TET2: variants seen among roughly 807,000 people sequenced by gnomAD.
The protein encoded by TET2 is tet methylcytosine dioxygenase 2.
A neutral mutation model predicts 142.9 loss-of-function variants in TET2; 299 were observed. The observed-to-expected ratio is 2.09, with a 90% CI of 1.90 to 2.30. TET2 has a LOEUF of 2.30. Among genes scored for constraint, TET2 ranks in the 30% most tolerant of loss-of-function variants. The pLI is 0.00. For synonymous variants in TET2, 819 were observed against 849.0 expected (o/e 0.96, Z 0.61); for missense variants, 2,418 against 2,378.0 (o/e 1.02, Z -0.35).
At chr4:105,205,667 T>C (rs1346431947) in intron 2 of TET2, among the ~76,000 whole-genome samples, 5 of 152,128 alleles carry the variant, frequency 3.3e-5, no homozygotes, top group South Asian at 2.1e-4. Flanking sequence ...TTTTCACTCT[T>C]GTTGCCTAGG....
intron 5 of TET2, among the ~76,000 whole-genome samples, 180 bp downstream of exon 5, chr4:105,243,107 T>C (rs1201960296): frequency 6.6e-6 from 1 of 152,216 alleles, no homozygotes; most frequent in Non-Finnish European, 1.5e-5. Context: ...AATCAACAAA[T>C]TGTATTTAAT....
At chr4:105,201,444 A>G (rs1212664815) in intron 2 of TET2, among the ~76,000 whole-genome samples, 6 of 152,158 alleles carry the variant, frequency 3.9e-5, no homozygotes, top group Admixed American at 3.9e-4. Context: ...CATTTGTGCT[A>G]TGCTTGTTTT....
At position 105,236,647 on chromosome 4, in the gene TET2, G is replaced by GAAAC; in HGVS notation, c.2706_2709dup (p.Gln904LysfsTer21). The GAAAC allele has an allele frequency of 6.2e-7, 1 of 1,614,064 alleles. No homozygotes were observed. The highest frequency in any genetic ancestry group is 8.5e-7 in the Non-Finnish European group (1 of 1,180,004). The stretch of plus-strand genomic sequence containing the variant: ...TCAGTTCTACAGGGATATAAAAATA[G>GAAAC]AAACCAAGATATGTCTGGTCAACAA... On this transcript the variant is annotated frameshift_variant, in exon 3 of 11. Transcript: ENST00000380013. LOFTEE classifies it high-confidence loss of function.
In TET2 at chr4:105,276,076, G is replaced by T. The variant is rs1410583781; in HGVS notation, c.5566G>T (p.Asp1856Tyr). Residue 1856 changes from aspartate (D) to tyrosine (Y), a missense_variant, in exon 11 of 11, where the codon GAT (aspartate) becomes TAT (tyrosine). Asp to Tyr is a radical substitution (Grantham distance 160). Transcript: ENST00000380013. The stretch of plus-strand genomic sequence containing the variant: ...GTCAGACAGCGAGCAGAGCTTTCTG[G>T]ATCCTGACATTGGGGGAGTGGCCGT... ...VWSDSEQSFL[D>Y]PDIGGVAVAP... 5.8e-6 allele frequency: 9 copies of T among 1,551,700 alleles called. No homozygotes were observed. Among genetic ancestry groups the T allele is most frequent in the Non-Finnish European group, 7.8e-6 (9 of 1,146,972 alleles).
At chr4:105,188,144 A>G (rs1375368801) in intron 1 of TET2, among the ~76,000 whole-genome samples, 1 of 152,238 alleles carries the variant, frequency 6.6e-6, no homozygotes, top group Non-Finnish European at 1.5e-5. Flanking sequence ...TGAATGGATA[A>G]ACAGAATGTG....
At chr4:105,164,499 T>G (rs1158939804) in intron 1 of TET2, among the ~76,000 whole-genome samples, 2 of 152,208 alleles carry the variant, frequency 1.3e-5, no homozygotes, top group Non-Finnish European at 2.9e-5. Flanking sequence ...GAATAAATAT[T>G]TGTTTATTCT....
intron 2 of TET2, among the ~76,000 whole-genome samples, chr4:105,214,994 G>A (rs1036270798): frequency 1.3e-5 from 2 of 152,130 alleles, no homozygotes; most frequent in Admixed American, 1.3e-4. Context: ...TGTGTCTGTG[G>A]CAGGAGCATC....
chr4:105,275,013 A>T (rs897644984), intron 10 of TET2, 35 bp from the exon 11 acceptor site: 2 of 1,466,616 alleles, frequency 1.4e-6, no homozygotes, highest in Admixed American at 5.5e-5. Flanking sequence ...AACATCAAAG[A>T]TACCTGTTTC....
At chr4:105,241,709 C>G (rs1729312370) in intron 4 of TET2, 1 of 1,279,870 alleles carries the variant, frequency 7.8e-7, no homozygotes, top group Non-Finnish European at 9.9e-7. Flanking sequence ...AGGCTGCCAG[C>G]CACAAGGTAC....
At chr4:105,226,581 G>A (rs925453592) in intron 2 of TET2, among the ~76,000 whole-genome samples, 12 of 151,286 alleles carry the variant, frequency 7.9e-5, no homozygotes, top group Admixed American at 2.0e-4. Context: ...TGTGTGGCAC[G>A]TCCCCCTCCC....
At chr4:105,259,903 ATT>A in intron 7 of TET2, 134 bp downstream of exon 7, 2 of 778,506 alleles carry the variant, frequency 2.6e-6, no homozygotes, top group Non-Finnish European at 3.7e-6. Context: ...GATACACACT[ATT>A]TTTTAAGTTG....
chr4:105,262,963 A>G (rs1324993034), intron 8 of TET2, among the ~76,000 whole-genome samples: 1 of 152,048 alleles, frequency 6.6e-6, no homozygotes, highest in African/African-American at 2.4e-5. Context: ...CAGGAGTCTG[A>G]GGCTGCGGTG....
intron 1 of TET2, among the ~76,000 whole-genome samples, chr4:105,165,278 A>C (rs1724095148): frequency 6.6e-6 from 1 of 152,282 alleles, no homozygotes; most frequent in East Asian, 1.9e-4. Flanking sequence ...CAGGAGACTG[A>C]GGCACGAGAA....
In TET2 at chr4:105,275,108, A is replaced by G. The variant is rs552543755; in HGVS notation, c.4598A>G (p.Lys1533Arg). 9 of 1,551,094 alleles carry G rather than the reference A, an allele frequency of 5.8e-6. No homozygotes were observed. Among genetic ancestry groups the G allele is most frequent in the Non-Finnish European group, 7.8e-6 (9 of 1,146,730 alleles). The change falls in exon 11 of 11, where the codon AAG becomes AGG. Residue 1533 changes from lysine (K) to arginine (R), a missense_variant. Coordinates refer to ENST00000380013, the MANE Select transcript of TET2 (RefSeq NM_001127208.3). ...QQSQQPQPLQKQPPQPQQQQR... is the reference protein window; with the variant it reads ...QQSQQPQPLQRQPPQPQQQQR... ...TCCCAGCAGCCCCAGCCTCTACAGA[A>G]GCAGCCACCACAGCCCCAGCAGCAG... is the stretch of plus-strand genomic sequence containing the variant.
At chr4:105,150,810 G>A (rs1723259165) in intron 1 of TET2, among the ~76,000 whole-genome samples, 1 of 152,190 alleles carries the variant, frequency 6.6e-6, no homozygotes, top group Admixed American at 6.5e-5. Context: ...CAGTACATCT[G>A]TTGGTTTGGT....
intron 2 of TET2, among the ~76,000 whole-genome samples, chr4:105,211,650 A>G (rs1727169300): frequency 6.6e-6 from 1 of 152,204 alleles, no homozygotes; most frequent in Non-Finnish European, 1.5e-5. Context: ...GCTGGCTGAA[A>G]GAGAACAAGA....
Position 105,248,983 on chromosome 4 carries a change from AG to A in TET2, c.3803+5206del. On this transcript the variant is annotated intron_variant, in intron 6 of 10. Coordinates refer to ENST00000380013, the MANE Select transcript of TET2 (RefSeq NM_001127208.3). ...CTCATTCATTTTATTAAAAAAAAAA[AG>A]TACCTTTTTTCTTTTTCTTTTTTTT... Among the ~76,000 whole-genome samples the A allele has an allele frequency of 2.0e-5, 3 of 149,914 alleles. No homozygotes were observed. In the South Asian group the frequency reaches 6.3e-4, roughly 31 times the overall value.
chr4:105,161,022 C>T (rs930691742), intron 1 of TET2, among the ~76,000 whole-genome samples: 1 of 152,130 alleles, frequency 6.6e-6, no homozygotes, highest in African/African-American at 2.4e-5. Context: ...GATCCACTCG[C>T]CTCAGCCTCC....
At position 105,237,921 on chromosome 4, in the gene TET2, A is replaced by G; in HGVS notation, c.3409+570A>G. On this transcript the variant is annotated intron_variant, in intron 3 of 10. Transcript: ENST00000380013. ...ATACATTTGGAATGTTGTGATTTAT[A>G]TTCATTTTGATTCCCTTTTCTCTAA... The G allele has an allele frequency of 3.0e-6, 3 of 1,013,600 alleles. No individual in the cohort carries two copies. The South Asian group carries it at 1.4e-4, about 47-fold the overall frequency. 62.8% of individuals were successfully genotyped at this position (1,013,600 alleles called of 1,614,324 possible).
Sources: gnomAD v4.1 joint callset for allele counts (sites outside exome capture counted in the v4.1 genomes callset) on GRCh38, gnomAD v4.1.1 for gene constraint, MANE v1.5 for transcripts, NCBI Gene and HGNC (gene_info 2026-07-23, HGNC 2026-07-21) for gene names.